ADAMTS3: variants seen among roughly 807,000 people sequenced by gnomAD.
The protein encoded by ADAMTS3 is A disintegrin and metalloproteinase with thrombospondin motifs 3.
In ADAMTS3, 73 loss-of-function variants were observed where a neutral mutation model predicts 129.0. The observed-to-expected ratio is 0.57, with a 90% CI of 0.47 to 0.69. The LOEUF (loss-of-function observed/expected upper bound fraction) is 0.69, where lower values mean the gene tolerates loss of function less well. ADAMTS3 is among the 30% of genes least tolerant of loss of function. The pLI is 0.00. For synonymous variants in ADAMTS3, 477 were observed against 510.8 expected, an observed-to-expected ratio of 0.93 and a Z score of 0.89; for missense variants, 1,457 against 1,514.5, an observed-to-expected ratio of 0.96 and a Z score of 0.63.
chr4:72,530,459 T>G (rs1294449793), intron 3 of ADAMTS3, among the ~76,000 whole-genome samples: 1 of 90,418 alleles, frequency 1.1e-5, no homozygotes, highest in Non-Finnish European at 1.9e-5. Context: ...ATATTATATA[T>G]TAAATATATT....
At chr4:72,296,890 A>G (rs1718823111) in intron 18 of ADAMTS3, among the ~76,000 whole-genome samples, 1 of 152,070 alleles carries the variant, frequency 6.6e-6, no homozygotes, top group African/African-American at 2.4e-5. Flanking sequence ...ATAATTACTG[A>G]ACCTCTTTTT....
At chr4:72,380,174 T>C (rs1249841980) in intron 4 of ADAMTS3, among the ~76,000 whole-genome samples, 1 of 152,126 alleles carries the variant, frequency 6.6e-6, no homozygotes, top group Non-Finnish European at 1.5e-5. Flanking sequence ...CTTGAGAATA[T>C]ATTTAAGTGG....
At chr4:72,334,134 A>G (rs545358311) in intron 5 of ADAMTS3, among the ~76,000 whole-genome samples, 9 of 151,874 alleles carry the variant, frequency 5.9e-5, no homozygotes, top group African/African-American at 1.9e-4. Context: ...ATTACAGGAG[A>G]AAGAAGGTTT....
At chr4:72,508,701 T>C (rs1720229557) in intron 3 of ADAMTS3, among the ~76,000 whole-genome samples, 1 of 152,082 alleles carries the variant, frequency 6.6e-6, no homozygotes, top group South Asian at 2.1e-4. Flanking sequence ...TTTGGCATAA[T>C]TTGAGTTAAC....
chr4:72,320,970 C>T lies in ADAMTS3; in HGVS notation c.946-100G>A. On this transcript the variant is annotated intron_variant, in intron 6 of 21. Coordinates refer to ENST00000286657, the MANE Select transcript of ADAMTS3 (RefSeq NM_014243.3). ...TGAATTTGGGATTAAAGTATTTAAA[C>T]AATGATTCAATAATATTTGGGGCTT... 4 of 1,222,694 alleles carry T rather than the reference C, an allele frequency of 3.3e-6. No homozygotes were observed. In the South Asian group the frequency reaches 4.7e-5, roughly 15 times the overall value. The allele number at this position is 1,222,694 out of a possible 1,614,324, so 75.7% of individuals were successfully genotyped here.
At chr4:72,377,010 A>C (rs1253030633) in intron 4 of ADAMTS3, among the ~76,000 whole-genome samples, 4 of 152,172 alleles carry the variant, frequency 2.6e-5, no homozygotes, top group Admixed American at 2.6e-4. Context: ...ATAACTGAGA[A>C]GTTATGTAGG....
At chr4:72,497,094 T>C (rs1438997168) in intron 3 of ADAMTS3, among the ~76,000 whole-genome samples, 1 of 151,950 alleles carries the variant, frequency 6.6e-6, no homozygotes, top group East Asian at 1.9e-4. Context: ...AGTTATCAGA[T>C]GTTTAATATA....
intron 3 of ADAMTS3, among the ~76,000 whole-genome samples, chr4:72,423,326 T>C (rs114378711): frequency 0.011 from 1,717 of 152,244 alleles, 27 homozygotes; most frequent in African/African-American, 0.039. Context: ...TATATCAATA[T>C]TGTGTGTGTA....
chr4:72,445,360 C>T (rs1427684537), intron 3 of ADAMTS3, among the ~76,000 whole-genome samples: 1 of 151,652 alleles, frequency 6.6e-6, no homozygotes, highest in Non-Finnish European at 1.5e-5. Context: ...AACTCTTCTC[C>T]TGAGTCTAAA....
intron 3 of ADAMTS3, among the ~76,000 whole-genome samples, chr4:72,519,651 T>A (rs1720604032): frequency 6.6e-6 from 1 of 152,222 alleles, no homozygotes; most frequent in Non-Finnish European, 1.5e-5. Context: ...GCTTCTGCAT[T>A]CTTCACGTAG....
At chr4:72,532,491 GCACA>G (rs35399046) in intron 3 of ADAMTS3, among the ~76,000 whole-genome samples, 47,249 of 148,634 alleles carry the variant, frequency 0.32, 7,743 homozygotes, top group African/African-American at 0.42. Context: ...AATTTAATAT[GCACA>G]CACACACACA....
chr4:72,295,706 T>C lies in ADAMTS3; in HGVS notation c.2671A>G (p.Lys891Glu). 6.2e-7 allele frequency: 1 copy of C among 1,613,056 alleles called. No homozygotes were observed. Among genetic ancestry groups the C allele is most frequent in the Non-Finnish European group, 8.5e-7 (1 of 1,179,208 alleles). ...VHRSFCEANKKPKPIRRMCNI... is the reference protein window; with the variant it reads ...VHRSFCEANKEPKPIRRMCNI... ...CACATTCGTCTAATAGGTTTCGGCTTTTTGTTGGCCTCACAGAAGCTGCGA... is the reference window on the plus strand; with the variant it reads ...CACATTCGTCTAATAGGTTTCGGCTCTTTGTTGGCCTCACAGAAGCTGCGA... Residue 891 changes from lysine (K) to glutamate (E), a missense_variant, in exon 19 of 22, where the codon AAG (lysine) becomes GAG (glutamate). By Grantham distance (56) the Lys-to-Glu change is moderately conservative (BLOSUM62 1). Coordinates refer to ENST00000286657, the MANE Select transcript of ADAMTS3 (RefSeq NM_014243.3).
Position 72,281,775 on chromosome 4 carries a change from G to A in ADAMTS3, c.*1361C>T, listed in dbSNP as rs1208125970. 6.6e-6 allele frequency: 1 copy of A among 151,486 alleles called. No homozygotes were observed. Among genetic ancestry groups the A allele is most frequent in the Non-Finnish European group, 1.5e-5 (1 of 67,924 alleles). 9.4% of individuals were successfully genotyped at this position (151,486 alleles called of 1,614,324 possible). ...CTCTAGTTTACCAAAATATGTAATTGATATTAGTGTAAATATTTAGTACAT... is the reference window on the plus strand; with the variant it reads ...CTCTAGTTTACCAAAATATGTAATTAATATTAGTGTAAATATTTAGTACAT... On this transcript the variant is annotated 3_prime_UTR_variant, in exon 22 of 22. Transcript: ENST00000286657.
chr4:72,481,196 A>G (rs763466486), intron 3 of ADAMTS3, among the ~76,000 whole-genome samples: 4 of 152,216 alleles, frequency 2.6e-5, no homozygotes, highest in Non-Finnish European at 5.9e-5. Flanking sequence ...AGATATAGAC[A>G]AGATTATTTT....
intron 3 of ADAMTS3, among the ~76,000 whole-genome samples, chr4:72,462,008 C>T (rs1017426663): frequency 6.6e-6 from 1 of 151,894 alleles, no homozygotes; most frequent in African/African-American, 2.4e-5. Context: ...GGTTACTCTT[C>T]TGAGCACTAT....
At chr4:72,380,546 C>T (rs1169561087) in intron 4 of ADAMTS3, among the ~76,000 whole-genome samples, 1 of 152,150 alleles carries the variant, frequency 6.6e-6, no homozygotes, top group Non-Finnish European at 1.5e-5. Context: ...TTTCATCTAA[C>T]ATGCAGGTTT....
chr4:72,420,948 C>A (rs1722429410), intron 3 of ADAMTS3, among the ~76,000 whole-genome samples: 1 of 151,876 alleles, frequency 6.6e-6, no homozygotes, highest in South Asian at 2.1e-4. Context: ...AAAAAAAAGT[C>A]ATAACCGCAA....
chr4:72,402,439 C>T (rs1721947712), intron 4 of ADAMTS3, among the ~76,000 whole-genome samples: 1 of 152,068 alleles, frequency 6.6e-6, no homozygotes, highest in South Asian at 2.1e-4. Context: ...CATAGGTGTT[C>T]ATCTAAAATT....
At chr4:72,291,286 A>T (rs1163894163) in intron 19 of ADAMTS3, among the ~76,000 whole-genome samples, 1 of 152,106 alleles carries the variant, frequency 6.6e-6, no homozygotes, top group East Asian at 1.9e-4. Flanking sequence ...GTTTTAGGGT[A>T]CATGTGCACA....
Sources: gnomAD v4.1 joint callset for allele counts (sites outside exome capture counted in the v4.1 genomes callset) on GRCh38, gnomAD v4.1.1 for gene constraint, MANE v1.5 for transcripts, NCBI Gene and HGNC (gene_info 2026-07-23, HGNC 2026-07-21) for gene names.